Variants in PCCA observed in about 807,000 individuals in gnomAD.
PCCA encodes the protein propionyl-CoA carboxylase alpha chain, mitochondrial.
In PCCA, 74 loss-of-function variants were observed where a neutral mutation model predicts 101.3. The observed-to-expected ratio is 0.73, with a 90% CI of 0.61 to 0.89. PCCA has a LOEUF of 0.89. Ranked by LOEUF, PCCA falls within the 40% of genes least tolerant of loss-of-function variation. PCCA has a pLI of 0.00. For missense variants in PCCA, 891 were observed against 907.0 expected, an observed-to-expected ratio of 0.98 and a Z score of 0.23; for synonymous variants, 294 against 313.6, an observed-to-expected ratio of 0.94 and a Z score of 0.66.
chr13:100,391,891 A>G (rs2076817747), intron 19 of PCCA, among the ~76,000 whole-genome samples: 1 of 152,150 alleles, frequency 6.6e-6, no homozygotes, highest in African/African-American at 2.4e-5. Flanking sequence ...TCTTTTAGTC[A>G]TGAATTTGAA....
intron 18 of PCCA, among the ~76,000 whole-genome samples, chr13:100,343,326 G>A (rs74981512): frequency 0.018 from 2,720 of 152,230 alleles, 104 homozygotes; most frequent in African/African-American, 0.062. Context: ...ATCGGTCAGT[G>A]GAGAAACAAA....
chr13:100,500,155 C>T (rs1246483043), intron 21 of PCCA, among the ~76,000 whole-genome samples: 3 of 152,062 alleles, frequency 2.0e-5, no homozygotes, highest in African/African-American at 7.2e-5. Context: ...CAGATTGAGG[C>T]GATCAGTGTT....
chr13:100,127,840 C>T (rs1036353680), intron 4 of PCCA, among the ~76,000 whole-genome samples: 3 of 151,996 alleles, frequency 2.0e-5, no homozygotes, highest in African/African-American at 7.2e-5. Flanking sequence ...TGCACTGAGC[C>T]GAGATCGCGC....
chr13:100,527,202 A>G (rs1029846113), intron 22 of PCCA: 10 of 450,104 alleles, frequency 2.2e-5, no homozygotes, highest in Non-Finnish European at 4.1e-5. Flanking sequence ...AGAGTTGTGT[A>G]GTTGTCACCA....
intron 4 of PCCA, among the ~76,000 whole-genome samples, chr13:100,136,831 C>T (rs756013965): frequency 8.6e-5 from 13 of 151,724 alleles, no homozygotes; most frequent in Non-Finnish European, 1.6e-4. Flanking sequence ...TTTATTGATG[C>T]TTTAGAATAA....
chr13:100,478,141 G>T (rs2083568252), intron 21 of PCCA, among the ~76,000 whole-genome samples: 1 of 152,230 alleles, frequency 6.6e-6, no homozygotes, highest in African/African-American at 2.4e-5. Flanking sequence ...GGAATGGTAG[G>T]TCTGAGGACA....
chr13:100,403,979 A>G (rs1185353278), intron 19 of PCCA, among the ~76,000 whole-genome samples: 3 of 152,138 alleles, frequency 2.0e-5, no homozygotes, highest in Non-Finnish European at 4.4e-5. Flanking sequence ...GAATACGGAT[A>G]AGGACAAAGA....
At chr13:100,365,392 G>A (rs143150700) in intron 18 of PCCA, among the ~76,000 whole-genome samples, 1 of 152,130 alleles carries the variant, frequency 6.6e-6, no homozygotes, top group African/African-American at 2.4e-5. Flanking sequence ...CATCTATAAG[G>A]TCCCTTTCTG....
intron 1 of PCCA, among the ~76,000 whole-genome samples, chr13:100,091,279 GTACACTTGTTA>G (rs1264104352): frequency 6.6e-6 from 1 of 152,196 alleles, no homozygotes; most frequent in African/African-American, 2.4e-5. Context: ...ACTTACTGTT[GTACACTTGTTA>G]TACACTTACT....
At chr13:100,217,804 G>T (rs948212702) in intron 7 of PCCA, among the ~76,000 whole-genome samples, 4 of 150,642 alleles carry the variant, frequency 2.7e-5, no homozygotes, top group Admixed American at 2.7e-4. Flanking sequence ...TTTTGTGTGT[G>T]TGTGGCTGAG....
intron 6 of PCCA, among the ~76,000 whole-genome samples, chr13:100,170,838 A>C (rs2055563932): frequency 6.6e-6 from 1 of 152,234 alleles, no homozygotes; most frequent in Non-Finnish European, 1.5e-5. Context: ...TATTTACATA[A>C]TCTATACACA....
At chr13:100,196,172 GA>G (rs1161693175) in intron 6 of PCCA, among the ~76,000 whole-genome samples, 1 of 152,092 alleles carries the variant, frequency 6.6e-6, no homozygotes, top group African/African-American at 2.4e-5. Flanking sequence ...TTTGTTTGTT[GA>G]AATGGTTTTT....
intron 18 of PCCA, among the ~76,000 whole-genome samples, chr13:100,360,608 A>G (rs2074468417): frequency 6.6e-6 from 1 of 152,224 alleles, no homozygotes; most frequent in Non-Finnish European, 1.5e-5. Context: ...TTAAAACTGT[A>G]AAAAGATACC....
intron 21 of PCCA, among the ~76,000 whole-genome samples, chr13:100,474,634 C>T (rs779735728): frequency 2.0e-5 from 3 of 152,042 alleles, no homozygotes; most frequent in Non-Finnish European, 2.9e-5. Context: ...TACAGGAATG[C>T]GCCACCATGC....
In PCCA at chr13:100,370,369, G is replaced by A. The variant is rs36061462; in HGVS notation, c.1746+1795G>A. On this transcript the variant is annotated intron_variant, in intron 19 of 23. Coordinates refer to ENST00000376285, the MANE Select transcript of PCCA (RefSeq NM_000282.4). ...CAAAGTGCTGGGATCACAGGCGAGC[G>A]TTGCTTCTTTATGTTTGTTTTAGAT... 2.7e-4 allele frequency among the ~76,000 whole-genome samples: 41 copies of A among 152,142 alleles called. No individual in the cohort carries two copies. The East Asian group carries it at 2.9e-3, about 11-fold the overall frequency.
chr13:100,122,988 T>A (rs910756342), intron 4 of PCCA, among the ~76,000 whole-genome samples: 5 of 152,206 alleles, frequency 3.3e-5, no homozygotes, highest in African/African-American at 1.2e-4. Flanking sequence ...AGTCAAGAGC[T>A]ATAAATTGGT....
intron 6 of PCCA, among the ~76,000 whole-genome samples, chr13:100,195,281 C>A (rs1037250675): frequency 6.6e-6 from 1 of 151,980 alleles, no homozygotes; most frequent in Admixed American, 6.6e-5. Context: ...TTAAAAGATA[C>A]ATCTAAAAGA....
At chr13:100,166,235 T>G (rs1477309987) in intron 6 of PCCA, among the ~76,000 whole-genome samples, 2 of 151,178 alleles carry the variant, frequency 1.3e-5, no homozygotes, top group African/African-American at 4.8e-5. Context: ...AGTTATGCTG[T>G]TTTTTGGATT....
chr13:100,426,019 T>C (rs1484116670), intron 20 of PCCA, among the ~76,000 whole-genome samples: 1 of 152,162 alleles, frequency 6.6e-6, no homozygotes, highest in Admixed American at 6.5e-5. Context: ...AGCTGTTTTT[T>C]TTTTTCCTCT....
Sources: gnomAD v4.1 joint callset for allele counts (sites outside exome capture counted in the v4.1 genomes callset) on GRCh38, gnomAD v4.1.1 for gene constraint, MANE v1.5 for transcripts, NCBI Gene and HGNC (gene_info 2026-07-23, HGNC 2026-07-21) for gene names.